Variants in SAMM50 observed in about 807,000 individuals in gnomAD.
SAMM50 encodes SAMM50 sorting and assembly machinery component, also known as sorting and assembly machinery component 50 homolog.
A neutral mutation model predicts 66.9 loss-of-function variants in SAMM50; 47 were observed. The ratio of observed to expected loss-of-function variants is 0.70; its 90% CI spans 0.56 to 0.90. The LOEUF is 0.90. SAMM50 is among the 40% of genes least tolerant of loss of function. The probability of loss-of-function intolerance (pLI) is 0.00; values close to 1 mark genes in which losing one functional copy is unlikely to be tolerated. For synonymous variants in SAMM50, 191 were observed against 214.1 expected (o/e 0.89, Z 0.94); for missense variants, 535 against 595.3 (o/e 0.90, Z 1.05).
intron 3 of SAMM50, among the ~76,000 whole-genome samples, chr22:43,965,105 GGTCC>G (rs1404415052): frequency 1.3e-5 from 2 of 151,490 alleles, no homozygotes; most frequent in Non-Finnish European, 2.9e-5. Context: ...TTTGTGGCCG[GGTCC>G]AGCTGGCTCC....
chr22:43,969,754 G>A (rs1482102678), intron 4 of SAMM50, among the ~76,000 whole-genome samples: 4 of 152,214 alleles, frequency 2.6e-5, no homozygotes. Flanking sequence ...CCCACGCCAG[G>A]GGAGAGTGGC....
At chr22:43,994,107 G>C (rs1313272121) in intron 14 of SAMM50, among the ~76,000 whole-genome samples, 1 of 152,160 alleles carries the variant, frequency 6.6e-6, no homozygotes, top group African/African-American at 2.4e-5. Flanking sequence ...GGGCCCCCTG[G>C]AGCAGGTCCC....
At chr22:43,973,198 T>C (rs1029334111) in intron 6 of SAMM50, 38 bp from the exon 7 acceptor site, 3 of 1,396,600 alleles carry the variant, frequency 2.1e-6, no homozygotes, top group Non-Finnish European at 3.0e-6. Flanking sequence ...TTCTAATCAC[T>C]GTTTCAGCTT....
At chr22:43,989,706 C>T (rs924400170) in intron 13 of SAMM50, among the ~76,000 whole-genome samples, 1 of 152,206 alleles carries the variant, frequency 6.6e-6, no homozygotes, top group Admixed American at 6.5e-5. Flanking sequence ...AAAATTCTTA[C>T]AACAGCTAAC....
chr22:43,969,881 G>A lies in SAMM50; in HGVS notation c.322+1063G>A, dbSNP rs546872560. ...CAGACCGTGGTGGGCCTAACATGGC[G>A]CGGTAGAGTTCCCACTTTAGTCAGA... On this transcript the variant is annotated intron_variant, in intron 4 of 14. Coordinates refer to ENST00000350028, the MANE Select transcript of SAMM50 (RefSeq NM_015380.5). Among the ~76,000 whole-genome samples the A allele has an allele frequency of 7.9e-5, 12 of 152,272 alleles. No individual in the cohort carries two copies. The South Asian group carries it at 1.2e-3, about 16-fold the overall frequency.
chr22:43,962,527 AAG>A (rs1218424831), intron 1 of SAMM50, among the ~76,000 whole-genome samples: 4 of 152,218 alleles, frequency 2.6e-5, no homozygotes, highest in African/African-American at 9.6e-5. Context: ...AGATTATAGA[AAG>A]AGATGCTTTC....
intron 1 of SAMM50, 74 bp from the exon 2 acceptor site, chr22:43,963,212 A>T (rs2050156245): frequency 2.2e-6 from 2 of 912,832 alleles, no homozygotes; most frequent in South Asian, 1.7e-5. Context: ...CACCATCTAA[A>T]GACAAAACTC....
Position 43,972,230 on chromosome 22 carries a change from A to G in SAMM50, c.323-6A>G. 6.5e-7 allele frequency: 1 copy of G among 1,533,192 alleles called. No individual in the cohort carries two copies. Among genetic ancestry groups the G allele is most frequent in the Non-Finnish European group, 8.8e-7 (1 of 1,134,962 alleles). The allele number at this position is 1,533,192 out of a possible 1,614,324, so 95.0% of individuals were successfully genotyped here. A position where few individuals can be genotyped will look rare whatever the true frequency, so the allele number is the denominator to read the frequency against. ...CTGTCTTATTGTTTAATATTTTTTT[A>G]TTTAGGTGATGACGCACTTCCAAAT... is the stretch of plus-strand genomic sequence containing the variant. On this transcript the variant is annotated splice_region_variant and splice_polypyrimidine_tract_variant and intron_variant, in intron 4 of 14. Transcript: ENST00000350028.
intron 3 of SAMM50, among the ~76,000 whole-genome samples, chr22:43,968,226 C>CAAAAAAA (rs66961907): frequency 0.01 from 687 of 67,170 alleles, no homozygotes; most frequent in Non-Finnish European, 0.013. Flanking sequence ...AACTCTGTCT[C>CAAAAAAA]AAAAAAAAAA....
chr22:43,958,108 T>G (rs1208250470), intron 1 of SAMM50, among the ~76,000 whole-genome samples: 1 of 152,202 alleles, frequency 6.6e-6, no homozygotes, highest in African/African-American at 2.4e-5. Context: ...ACCGCACTAT[T>G]GCACTTCATT....
In SAMM50 at chr22:43,983,926, G is replaced by A; in HGVS notation, c.1008-7G>A. 6.2e-7 allele frequency: 1 copy of A among 1,606,644 alleles called. No homozygotes were observed. On this transcript the variant is annotated splice_polypyrimidine_tract_variant and splice_region_variant and intron_variant, in intron 11 of 14. Coordinates refer to ENST00000350028, the MANE Select transcript of SAMM50 (RefSeq NM_015380.5). This position sits in a 1 kb window ranked among gnomAD's most constrained non-coding sequence, Gnocchi z 4.2. ...TTTCCTCTGACCTGTGTGCTGTTTT[G>A]TCCTAGGTTTTACCTTGGGGGACCC...
intron 14 of SAMM50, among the ~76,000 whole-genome samples, chr22:43,993,129 C>T (rs1470772905): frequency 3.9e-5 from 6 of 152,316 alleles, no homozygotes; most frequent in African/African-American, 1.2e-4. Flanking sequence ...GGCGCTGTGA[C>T]GCTGCTGCAC....
At chr22:43,984,660 G>A (rs758175114) in intron 12 of SAMM50, among the ~76,000 whole-genome samples, 40 of 149,772 alleles carry the variant, frequency 2.7e-4, no homozygotes, top group African/African-American at 7.4e-4. Context: ...ACAGAGTCTC[G>A]CTCTGTCGCC....
chr22:43,985,707 C>T (rs2050288744), intron 12 of SAMM50, among the ~76,000 whole-genome samples: 1 of 151,958 alleles, frequency 6.6e-6, no homozygotes, highest in Non-Finnish European at 1.5e-5. Flanking sequence ...TAAGTTGTCA[C>T]ATCTGCTGAG....
Position 43,979,582 on chromosome 22 carries a change from T to A in SAMM50, c.936+1624T>A, listed in dbSNP as rs182253180. On this transcript the variant is annotated intron_variant, in intron 10 of 14. Transcript: ENST00000350028. ...TCCTCTCCTACTCCCTGCCTTCCCC[T>A]TCCCCCCTCTACACTATGGACATAT... 1.4e-4 allele frequency among the ~76,000 whole-genome samples: 21 copies of A among 151,976 alleles called. 1 individual carries two copies. Among genetic ancestry groups the A allele is most frequent in the Non-Finnish European group, 2.9e-5 (2 of 67,974 alleles).
At chr22:43,971,900 G>A (rs757014459) in intron 4 of SAMM50, among the ~76,000 whole-genome samples, 7 of 152,082 alleles carry the variant, frequency 4.6e-5, no homozygotes, top group Non-Finnish European at 5.9e-5. Context: ...TTGTAGCTAT[G>A]TTGCTGGGGC....
intron 11 of SAMM50, among the ~76,000 whole-genome samples, chr22:43,982,646 T>C (rs1393757182): frequency 2.0e-5 from 3 of 152,218 alleles, no homozygotes; most frequent in South Asian, 4.1e-4. Context: ...TATTTATGTA[T>C]GTTTTTTGAG....
At chr22:43,972,846 C>G (rs1451214157) in intron 5 of SAMM50, 25 bp from the exon 6 acceptor site, 15 of 1,505,140 alleles carry the variant, frequency 1.0e-5, no homozygotes, top group Non-Finnish European at 1.3e-5. Context: ...TAGACCACTG[C>G]TATTTTTTTT....
chr22:43,970,122 C>T (rs959153231), intron 4 of SAMM50, among the ~76,000 whole-genome samples: 1 of 152,184 alleles, frequency 6.6e-6, no homozygotes, highest in Non-Finnish European at 1.5e-5. Flanking sequence ...GTGGCTTAGA[C>T]AAGAGAGAAG....
Sources: allele counts gnomAD v4.1 joint callset (sites outside exome capture counted in the v4.1 genomes callset), GRCh38; gene constraint gnomAD v4.1.1; non-coding constraint Gnocchi (gnomAD v3.1); transcripts MANE v1.5; gene names NCBI Gene and HGNC (gene_info 2026-07-23, HGNC 2026-07-21).